Variants in TXNDC8 observed in about 807,000 individuals in gnomAD.
TXNDC8 encodes thioredoxin domain-containing protein 8.
In TXNDC8, 15 loss-of-function variants were observed where a neutral mutation model predicts 12.9. That is an observed-to-expected ratio of 1.16 (90% CI 0.78 to 1.79). The LOEUF (loss-of-function observed/expected upper bound fraction) is 1.79. Ranked by LOEUF, TXNDC8 falls within the 40% of genes most tolerant of loss-of-function variation. The probability of loss-of-function intolerance (pLI) is 0.00; values close to 1 mark genes in which losing one functional copy is unlikely to be tolerated. For synonymous variants in TXNDC8, 40 were observed against 35.4 expected, an observed-to-expected ratio of 1.13 and a Z score of -0.46; for missense variants, 128 against 113.2, an observed-to-expected ratio of 1.13 and a Z score of -0.59.
intron 3 of TXNDC8, among the ~76,000 whole-genome samples, chr9:110,309,528 G>A (rs907565691): frequency 1.3e-5 from 2 of 152,106 alleles, no homozygotes; most frequent in African/African-American, 4.8e-5. Context: ...TAGAGACAGG[G>A]TTTCACCATG....
intron 3 of TXNDC8, among the ~76,000 whole-genome samples, chr9:110,320,934 C>T (rs572356805): frequency 6.6e-6 from 1 of 152,308 alleles, no homozygotes; most frequent in South Asian, 2.1e-4. Flanking sequence ...TGCTTAGGCT[C>T]TTCTTTGCCC....
intron 1 of TXNDC8, among the ~76,000 whole-genome samples, chr9:110,334,881 C>A (rs1219230971): frequency 7.0e-6 from 1 of 141,890 alleles, no homozygotes; most frequent in Non-Finnish European, 1.5e-5. Context: ...TGAGTAATTT[C>A]TTGTTTTTTG....
chr9:110,337,812 G>T lies in TXNDC8; in HGVS notation c.-16C>A, dbSNP rs368115286. 6.2e-7 allele frequency: 1 copy of T among 1,613,618 alleles called. No homozygotes were observed. The highest frequency in any genetic ancestry group is 8.5e-7 in the Non-Finnish European group (1 of 1,179,712). On this transcript the variant is annotated 5_prime_UTR_variant, in exon 1 of 5. Transcript: ENST00000423740. ...TCTGTACCATGATTACACCAGGGAA[G>T]TGCTGATGAAAATCCCCTGTTGGTT...
chr9:110,319,551 G>A (rs1839014672), intron 3 of TXNDC8, among the ~76,000 whole-genome samples: 1 of 152,162 alleles, frequency 6.6e-6, no homozygotes, highest in Admixed American at 6.5e-5. Context: ...ATGGTACATT[G>A]CCACTAATAA....
At chr9:110,306,678 C>A (rs10759408) in intron 3 of TXNDC8, among the ~76,000 whole-genome samples, 17,697 of 152,194 alleles carry the variant, frequency 0.12, 1,137 homozygotes, top group African/African-American at 0.17. Context: ...CTAGTGATAA[C>A]TTTTTACTAT....
In TXNDC8 at chr9:110,303,604, G is replaced by A. The variant is rs769143900; in HGVS notation, c.*78C>T. 6.4e-7 allele frequency: 1 copy of A among 1,562,908 alleles called. No homozygotes were observed. Among genetic ancestry groups the A allele is most frequent in the South Asian group, 1.2e-5 (1 of 86,678 alleles). On this transcript the variant is annotated 3_prime_UTR_variant, in exon 5 of 5. Transcript: ENST00000423740. ...AAAATCTGTTCACAAATGCACAAAGGTGAAACATTTATTGATTCAAGTGCT... is the reference window on the plus strand; with the variant it reads ...AAAATCTGTTCACAAATGCACAAAGATGAAACATTTATTGATTCAAGTGCT...
At chr9:110,336,814 A>C (rs942899442) in intron 1 of TXNDC8, among the ~76,000 whole-genome samples, 1 of 152,188 alleles carries the variant, frequency 6.6e-6, no homozygotes, top group African/African-American at 2.4e-5. Flanking sequence ...TTACAACTGT[A>C]GTCTGGATGG....
chr9:110,319,950 T>C (rs1458319774), intron 3 of TXNDC8, among the ~76,000 whole-genome samples: 1 of 152,240 alleles, frequency 6.6e-6, no homozygotes, highest in African/African-American at 2.4e-5. Context: ...CTTTATGTGA[T>C]AGCTCAGTCT....
At chr9:110,322,752 A>G in intron 3 of TXNDC8, 10 of 985,536 alleles carry the variant, frequency 1.0e-5, no homozygotes, top group Non-Finnish European at 1.2e-5. Context: ...GGTTGGTACC[A>G]GGACAGAATC....
At chr9:110,323,193 G>T in intron 3 of TXNDC8, 2 of 985,394 alleles carry the variant, frequency 2.0e-6, no homozygotes, top group Non-Finnish European at 2.4e-6. Flanking sequence ...AAGTAAAAAA[G>T]TATTTATAGA....
intron 3 of TXNDC8, among the ~76,000 whole-genome samples, chr9:110,309,198 G>A (rs571139416): frequency 3.3e-5 from 5 of 152,142 alleles, no homozygotes; most frequent in Non-Finnish European, 5.9e-5. Context: ...TTCTTAGCTC[G>A]GAAGAGAAAC....
chr9:110,304,498 C>A lies in TXNDC8; in HGVS notation c.230G>T (p.Cys77Phe). 1 of 1,610,128 alleles carries A rather than the reference C, an allele frequency of 6.2e-7. No individual in the cohort carries two copies. The highest frequency in any genetic ancestry group is 8.5e-7 in the Non-Finnish European group (1 of 1,177,554). Residue 77 changes from cysteine (C) to phenylalanine (F), a missense_variant, in exon 4 of 5, where the codon TGC becomes TTC. Physicochemically the swap from Cys to Phe is radical, Grantham distance 205. Coordinates refer to ENST00000423740, the MANE Select transcript of TXNDC8 (RefSeq NM_001286946.2). Reference sequence around the variant, plus strand: ...GCTCATGAATCCACTTCTATAACAGCAAATTATTCTTTTGATTCTTGAGAA... The same window carrying A: ...GCTCATGAATCCACTTCTATAACAGAAAATTATTCTTTTGATTCTTGAGAA...
intron 3 of TXNDC8, among the ~76,000 whole-genome samples, chr9:110,319,038 A>G (rs566563060): frequency 2.3e-4 from 35 of 152,268 alleles, no homozygotes; most frequent in African/African-American, 7.9e-4. Context: ...TAGTTACTAC[A>G]CTTTGCCCAC....
chr9:110,311,555 A>ATATATC (rs1564096129), intron 3 of TXNDC8, among the ~76,000 whole-genome samples: 1 of 130,744 alleles, frequency 7.6e-6, no homozygotes, highest in Non-Finnish European at 1.6e-5. Context: ...ATATATATAT[A>ATATATC]TATCTCCATA....
At chr9:110,325,563 CTGGA>C (rs1288503807) in intron 3 of TXNDC8, among the ~76,000 whole-genome samples, 4 of 142,586 alleles carry the variant, frequency 2.8e-5, no homozygotes, top group Admixed American at 2.2e-4. Flanking sequence ...GTCGCCCAGG[CTGGA>C]TGGAGTGCAG....
chr9:110,308,944 T>C (rs1420007418), intron 3 of TXNDC8, among the ~76,000 whole-genome samples: 1 of 152,330 alleles, frequency 6.6e-6, no homozygotes, highest in African/African-American at 2.4e-5. Flanking sequence ...GAGATGACCT[T>C]GTACTGTGAG....
At chr9:110,321,488 G>A (rs888598742) in intron 3 of TXNDC8, among the ~76,000 whole-genome samples, 1 of 150,908 alleles carries the variant, frequency 6.6e-6, no homozygotes, top group East Asian at 1.9e-4. Context: ...TATCAGAAAT[G>A]TAAGACATTT....
chr9:110,311,541 A>G (rs1455529839), intron 3 of TXNDC8, among the ~76,000 whole-genome samples: 1 of 123,516 alleles, frequency 8.1e-6, no homozygotes, highest in African/African-American at 3.7e-5. Flanking sequence ...ATATATATAT[A>G]TATATATATA....
chr9:110,337,686 TAG>T, intron 1 of TXNDC8, 85 bp downstream of exon 1: 2 of 1,254,750 alleles, frequency 1.6e-6, no homozygotes, highest in Non-Finnish European at 1.2e-6. Flanking sequence ...GAATACTGGA[TAG>T]AGAGAACACA....
Sources: gnomAD v4.1 joint callset for allele counts (sites outside exome capture counted in the v4.1 genomes callset) on GRCh38, gnomAD v4.1.1 for gene constraint, MANE v1.5 for transcripts, NCBI Gene and HGNC (gene_info 2026-07-23, HGNC 2026-07-21) for gene names.